The following MAPK14 variants were observed in gnomAD, a reference collection of about 807,000 sequenced individuals.
The protein encoded by MAPK14 is CSAID-binding protein.
A neutral mutation model predicts 49.6 loss-of-function variants in MAPK14; 16 were observed. That is an observed-to-expected ratio of 0.32 (90% CI 0.22 to 0.49). MAPK14 has a LOEUF of 0.49. MAPK14 is among the 20% of genes least tolerant of loss of function. The probability of loss-of-function intolerance (pLI) is 0.99; values close to 1 mark genes in which losing one functional copy is unlikely to be tolerated. For missense variants in MAPK14, 200 were observed against 441.2 expected (o/e 0.45, Z 4.90); for synonymous variants, 142 against 158.0 (o/e 0.90, Z 0.76).
chr6:36,117,887 T>C, the MAPK14 span, among the ~76,000 whole-genome samples: 1 of 152,246 alleles, frequency 6.6e-6, no homozygotes. Flanking sequence ...GACTGTCAGC[T>C]TTTAATCCCT....
rs374851293 is a variant in MAPK14, at chr6:36,076,483, A to G, written c.611-54A>G. On this transcript the variant is annotated intron_variant, in intron 7 of 11. Coordinates refer to ENST00000229794, the MANE Select transcript of MAPK14 (RefSeq NM_139012.3). The stretch of plus-strand genomic sequence containing the variant: ...CCTAGTTACGGTTTCATTTGTTGCC[A>G]AGAATTGTAACAGTGACATTGCATA... The G allele has an allele frequency of 1.5e-4, 203 of 1,325,910 alleles. 1 individual carries two copies. The African/African-American group carries it at 2.5e-3, about 16-fold the overall frequency. The allele number at this position is 1,325,910 out of a possible 1,614,324, so 82.1% of individuals were successfully genotyped here.
intron 3 of MAPK14, among the ~76,000 whole-genome samples, chr6:36,062,962 G>A (rs1055550479): frequency 2.0e-5 from 3 of 152,088 alleles, no homozygotes; most frequent in Non-Finnish European, 4.4e-5. Flanking sequence ...CTGGCCTACA[G>A]TTGGCTTTTA....
intron 1 of MAPK14, among the ~76,000 whole-genome samples, chr6:36,030,617 G>A (rs1220443567): frequency 1.3e-5 from 2 of 151,258 alleles, no homozygotes; most frequent in Admixed American, 6.6e-5. Context: ...AACCCGGGAG[G>A]CGGAGGTTGC....
At chr6:36,062,001 G>A (rs963121149) in intron 3 of MAPK14, among the ~76,000 whole-genome samples, 5 of 152,070 alleles carry the variant, frequency 3.3e-5, no homozygotes, top group African/African-American at 7.2e-5. Context: ...TTGAGACAGC[G>A]TCTTGCCCTG....
intron 3 of MAPK14, among the ~76,000 whole-genome samples, chr6:36,068,359 G>T (rs1401417701): frequency 1.3e-5 from 2 of 152,120 alleles, no homozygotes; most frequent in Non-Finnish European, 2.9e-5. Flanking sequence ...GCCATTGAAA[G>T]GAATTTTGTG....
chr6:36,087,245 T>TC (rs1765022165), intron 8 of MAPK14, among the ~76,000 whole-genome samples: 1 of 152,126 alleles, frequency 6.6e-6, no homozygotes, highest in Non-Finnish European at 1.5e-5. Context: ...ATGCCCTCTT[T>TC]CCCTACTCCT....
At position 36,109,636 on chromosome 6, in the gene MAPK14, A is replaced by T. The variant is rs1407508583; in HGVS notation, c.*1189A>T. 6.6e-6 allele frequency: 1 copy of T among 152,628 alleles called. No homozygotes were observed. The highest frequency in any genetic ancestry group is 2.4e-5 in the African/African-American group (1 of 41,454). 9.5% of individuals were successfully genotyped at this position (152,628 alleles called of 1,614,324 possible). ...AGGTGGATGTATAGCATTTTTATTC[A>T]TGCCATCTGTTTTCAACCAACTATT... On this transcript the variant is annotated 3_prime_UTR_variant, in exon 12 of 12. Transcript: ENST00000229794.
At chr6:36,112,146 C>T (rs1049239668), downstream of MAPK14, among the ~76,000 whole-genome samples, 4 of 151,754 alleles carry the variant, frequency 2.6e-5, no homozygotes, top group African/African-American at 9.7e-5. Context: ...GCGGAACTTG[C>T]AGTGAGCCAA....
At chr6:36,071,488 A>ATT (rs1186017053) in intron 3 of MAPK14, among the ~76,000 whole-genome samples, 1 of 152,202 alleles carries the variant, frequency 6.6e-6, no homozygotes, top group African/African-American at 2.4e-5. Flanking sequence ...ATCTTACCAC[A>ATT]TAAAGATGGG....
At chr6:36,033,553 G>C (rs1023650316) in intron 1 of MAPK14, among the ~76,000 whole-genome samples, 2 of 152,146 alleles carry the variant, frequency 1.3e-5, no homozygotes, top group Non-Finnish European at 2.9e-5. Context: ...CTGACCTTGT[G>C]ATCTGCCCAC....
At chr6:36,120,000 G>A in the MAPK14 span, among the ~76,000 whole-genome samples, 1 of 152,210 alleles carries the variant, frequency 6.6e-6, no homozygotes, top group South Asian at 2.1e-4. Context: ...GGGAGAGAGG[G>A]CATGGAATCA....
intron 1 of MAPK14, among the ~76,000 whole-genome samples, chr6:36,050,933 T>C (rs907964800): frequency 6.6e-6 from 1 of 152,078 alleles, no homozygotes; most frequent in Non-Finnish European, 1.5e-5. Context: ...ATTGAGGGTA[T>C]GCCATAAAAG....
chr6:36,108,264 C>G (rs1765859380), intron 11 of MAPK14, 116 bp from the exon 12 acceptor site: 1 of 743,884 alleles, frequency 1.3e-6, no homozygotes, highest in Admixed American at 2.0e-5. Flanking sequence ...GTGAGGTAGC[C>G]CATCAAACCA....
In MAPK14 at chr6:36,110,260, A is replaced by C. The variant is rs1765926959; in HGVS notation, c.*1813A>C. On this transcript the variant is annotated 3_prime_UTR_variant, in exon 12 of 12. Coordinates refer to ENST00000229794, the MANE Select transcript of MAPK14 (RefSeq NM_139012.3). The stretch of plus-strand genomic sequence containing the variant: ...AGTGATACATGTACTCCAGAGGGAC[A>C]GGGTGGACCCCCTGAGTCAACTGGA... 1 of 152,500 alleles carries C rather than the reference A, an allele frequency of 6.6e-6. No individual in the cohort carries two copies. The highest frequency in any genetic ancestry group is 2.1e-4 in the South Asian group (1 of 4,834). The allele number at this position is 152,500 out of a possible 1,614,324, so 9.4% of individuals were successfully genotyped here.
rs1291217564 is a variant in MAPK14, at chr6:36,027,827, C to T, written c.-331C>T. The T allele has an allele frequency of 7.5e-6, 3 of 400,844 alleles. No homozygotes were observed. Among genetic ancestry groups the T allele is most frequent in the African/African-American group, 2.1e-5 (1 of 48,636 alleles). The allele number at this position is 400,844 out of a possible 1,614,324, so 24.8% of individuals were successfully genotyped here. A position where few individuals can be genotyped will look rare whatever the true frequency, so the allele number is the denominator to read the frequency against. ...GCGACCACTGGAGCCTTAGCGGGCG[C>T]AGCAGCTGGAACGGGAGTACTGCGA... On this transcript the variant is annotated 5_prime_UTR_variant, in exon 1 of 12. Coordinates refer to ENST00000229794, the MANE Select transcript of MAPK14 (RefSeq NM_139012.3).
At chr6:36,092,568 C>A (rs757734843) in intron 8 of MAPK14, 16 of 475,992 alleles carry the variant, frequency 3.4e-5, no homozygotes, top group Non-Finnish European at 5.7e-5. Context: ...AAGTTTGACC[C>A]ATTTTCCTTC....
At chr6:36,055,615 T>C (rs745693018) in intron 2 of MAPK14, among the ~76,000 whole-genome samples, 18 of 152,028 alleles carry the variant, frequency 1.2e-4, no homozygotes, top group Non-Finnish European at 2.2e-4. Context: ...TATGACTTGA[T>C]TTAGAAGGGA....
At chr6:36,048,715 A>G (rs1272568566) in intron 1 of MAPK14, among the ~76,000 whole-genome samples, 3 of 152,216 alleles carry the variant, frequency 2.0e-5, no homozygotes, top group African/African-American at 7.2e-5. Context: ...CAGTCCATTT[A>G]TTGAGATAAC....
At chr6:36,116,051 G>A (rs889253791), downstream of MAPK14, among the ~76,000 whole-genome samples, 30 of 152,184 alleles carry the variant, frequency 2.0e-4, no homozygotes, top group African/African-American at 6.5e-4. Flanking sequence ...TGAGGCTGCA[G>A]TGAGCCATGA....
Sources: gnomAD v4.1 joint callset for allele counts (sites outside exome capture counted in the v4.1 genomes callset) on GRCh38, gnomAD v4.1.1 for gene constraint, MANE v1.5 for transcripts, NCBI Gene and HGNC (gene_info 2026-07-23, HGNC 2026-07-21) for gene names.